The following SLC6A15 variants were observed in gnomAD, a reference collection of about 807,000 sequenced individuals.
SLC6A15 encodes solute carrier family 6 member 15, also known as sodium-dependent neutral amino acid transporter B(0)AT2.
A neutral mutation model predicts 68.5 loss-of-function variants in SLC6A15; 33 were observed. The observed-to-expected ratio is 0.48, with a 90% CI of 0.37 to 0.64. SLC6A15 has a LOEUF of 0.64. Ranked by LOEUF, SLC6A15 falls within the 30% of genes least tolerant of loss-of-function variation. The pLI, the probability that SLC6A15 is intolerant of heterozygous loss-of-function variation, is 0.00. For synonymous variants in SLC6A15, 347 were observed against 301.0 expected (o/e 1.15, Z -1.58); for missense variants, 747 against 874.3 (o/e 0.85, Z 1.84).
chr12:84,863,368 A>T, intron 11 of SLC6A15, 71 bp downstream of exon 11: 2 of 1,181,258 alleles, frequency 1.7e-6, no homozygotes, highest in Non-Finnish European at 2.4e-6. Flanking sequence ...TGATGGAGAC[A>T]AAAGAAAAAG....
intron 5 of SLC6A15, among the ~76,000 whole-genome samples, chr12:84,880,262 G>A (rs1348148968): frequency 6.6e-5 from 10 of 152,142 alleles, no homozygotes; most frequent in African/African-American, 2.4e-4. Flanking sequence ...TGTCTTAGGA[G>A]TCAGCAGGTT....
chr12:84,890,585 C>CTAGA (rs1283190521), intron 2 of SLC6A15, among the ~76,000 whole-genome samples: 3 of 152,162 alleles, frequency 2.0e-5, no homozygotes, highest in African/African-American at 7.2e-5. Context: ...ACTGACTCTA[C>CTAGA]GTTCGATCTT....
chr12:84,911,532 T>C (rs891479690), intron 1 of SLC6A15, among the ~76,000 whole-genome samples: 5 of 152,152 alleles, frequency 3.3e-5, no homozygotes, highest in African/African-American at 1.2e-4. Context: ...CCTGGGGGCT[T>C]TGCTTCCTAA....
intron 5 of SLC6A15, among the ~76,000 whole-genome samples, chr12:84,879,275 A>G (rs919374624): frequency 6.6e-6 from 1 of 151,884 alleles, no homozygotes; most frequent in Non-Finnish European, 1.5e-5. Flanking sequence ...TCCCCCGTGA[A>G]GCCTTCTTGC....
intron 1 of SLC6A15, among the ~76,000 whole-genome samples, chr12:84,895,965 T>G (rs1238813000): frequency 1.3e-5 from 2 of 152,100 alleles, no homozygotes; most frequent in African/African-American, 4.8e-5. Context: ...AATTGTTACA[T>G]CTGAGAATAG....
At chr12:84,872,940 T>C in intron 7 of SLC6A15, 146 bp from the exon 8 acceptor site, 1 of 1,222,118 alleles carries the variant, frequency 8.2e-7, no homozygotes, top group Non-Finnish European at 1.1e-6. Flanking sequence ...CTATCCCATT[T>C]ACCCAGATTT....
chr12:84,910,626 T>C (rs1873390979), intron 1 of SLC6A15, among the ~76,000 whole-genome samples: 1 of 151,974 alleles, frequency 6.6e-6, no homozygotes, highest in Non-Finnish European at 1.5e-5. Context: ...TGACCACGAG[T>C]TGGACAAAGG....
At chr12:84,897,056 G>A (rs1207225461) in intron 1 of SLC6A15, among the ~76,000 whole-genome samples, 1 of 152,100 alleles carries the variant, frequency 6.6e-6, no homozygotes, top group Admixed American at 6.5e-5. Flanking sequence ...AGCTGGGTGT[G>A]GTGGCAGGTG....
chr12:84,890,693 C>A lies in SLC6A15; in HGVS notation c.289+1139G>T, dbSNP rs547334872. Among the ~76,000 whole-genome samples the A allele has an allele frequency of 3.0e-4, 46 of 152,238 alleles. 1 individual carries two copies. In the South Asian group the frequency reaches 9.5e-3, roughly 32 times the overall value. On this transcript the variant is annotated intron_variant, in intron 2 of 11. Coordinates refer to ENST00000266682, the MANE Select transcript of SLC6A15 (RefSeq NM_182767.6). ...AAAAGATATCTTAAACATATTTTGTCACCATAACATCTTAGAGTTTCATGT... is the reference window on the plus strand; with the variant it reads ...AAAAGATATCTTAAACATATTTTGTAACCATAACATCTTAGAGTTTCATGT...
chr12:84,859,544 C>T lies in SLC6A15; in HGVS notation c.*2088G>A, dbSNP rs1053597928. On this transcript the variant is annotated 3_prime_UTR_variant, in exon 12 of 12. Coordinates refer to ENST00000266682, the MANE Select transcript of SLC6A15 (RefSeq NM_182767.6). ...TTCACTATATTTATATACATCAAAA[C>T]AGCATGTTGTACACCTTAGATGTAT... The T allele has an allele frequency of 2.6e-5, 4 of 151,594 alleles. No individual in the cohort carries two copies. Among genetic ancestry groups the T allele is most frequent in the African/African-American group, 9.7e-5 (4 of 41,288 alleles). The allele number at this position is 151,594 out of a possible 1,614,324, so 9.4% of individuals were successfully genotyped here.
Position 84,899,524 on chromosome 12 carries a change from C to A in SLC6A15, c.-188-7216G>T, listed in dbSNP as rs552907185. 5.3e-5 allele frequency among the ~76,000 whole-genome samples: 8 copies of A among 152,230 alleles called. No individual in the cohort carries two copies. The South Asian group carries it at 1.4e-3, about 28-fold the overall frequency. ...CCTAGTTTTCAGAACTATTTTCATT[C>A]TTTCCTTTTTCCATTTCATTGCCAA... On this transcript the variant is annotated intron_variant, in intron 1 of 11. Coordinates refer to ENST00000266682, the MANE Select transcript of SLC6A15 (RefSeq NM_182767.6).
intron 3 of SLC6A15, 48 bp downstream of exon 3, chr12:84,885,863 T>C (rs1872075035): frequency 4.6e-6 from 7 of 1,510,290 alleles, no homozygotes; most frequent in Non-Finnish European, 5.3e-6. Flanking sequence ...ATTATATAAT[T>C]TGAAACCCTA....
chr12:84,882,156 A>G (rs1871849382), intron 5 of SLC6A15: 2 of 985,284 alleles, frequency 2.0e-6, no homozygotes, highest in Non-Finnish European at 2.4e-6. Context: ...GTAGTAAGAG[A>G]ACCTGAGTAC....
chr12:84,909,915 A>G (rs1156234077), intron 1 of SLC6A15, among the ~76,000 whole-genome samples: 1 of 152,212 alleles, frequency 6.6e-6, no homozygotes, highest in African/African-American at 2.4e-5. Flanking sequence ...AAGCATATTT[A>G]CAATTTCAAC....
intron 5 of SLC6A15, among the ~76,000 whole-genome samples, chr12:84,877,725 T>C (rs2120602266): frequency 6.6e-6 from 1 of 152,324 alleles, no homozygotes; most frequent in East Asian, 1.9e-4. Flanking sequence ...CCTTTTTCTA[T>C]CCTTTCTCTC....
At chr12:84,871,987 G>A (rs571524999) in intron 8 of SLC6A15, among the ~76,000 whole-genome samples, 3 of 151,830 alleles carry the variant, frequency 2.0e-5, no homozygotes, top group African/African-American at 7.3e-5. Context: ...GCCTTCTCCC[G>A]TCTCTACTAA....
intron 1 of SLC6A15, among the ~76,000 whole-genome samples, chr12:84,894,413 G>A (rs1362229511): frequency 6.6e-6 from 1 of 152,048 alleles, no homozygotes; most frequent in African/African-American, 2.4e-5. Context: ...AATGCTGATA[G>A]TTATGCCTCT....
At chr12:84,865,292 A>T (rs2120539629) in intron 10 of SLC6A15, among the ~76,000 whole-genome samples, 1 of 152,302 alleles carries the variant, frequency 6.6e-6, no homozygotes, top group South Asian at 2.1e-4. Flanking sequence ...TTTTGATTAC[A>T]CACTTTATTT....
At chr12:84,890,747 G>A (rs952740471) in intron 2 of SLC6A15, among the ~76,000 whole-genome samples, 3 of 151,944 alleles carry the variant, frequency 2.0e-5, no homozygotes, top group Admixed American at 6.6e-5. Context: ...ATTTACATAC[G>A]CATGGGTTTT....
Sources: gnomAD v4.1 joint callset for allele counts (sites outside exome capture counted in the v4.1 genomes callset) on GRCh38, gnomAD v4.1.1 for gene constraint, MANE v1.5 for transcripts, NCBI Gene and HGNC (gene_info 2026-07-23, HGNC 2026-07-21) for gene names.